PRDM6: variants seen among roughly 807,000 people sequenced by gnomAD.
PRDM6 encodes PR/SET domain 6, also known as putative histone-lysine N-methyltransferase PRDM6.
Under a neutral mutation model 60.8 loss-of-function variants are expected in PRDM6, and 25 were observed. That is an observed-to-expected ratio of 0.41 (90% CI 0.30 to 0.57). PRDM6 has a LOEUF of 0.57. Ranked by LOEUF, PRDM6 falls within the 20% of genes least tolerant of loss-of-function variation. The pLI is 0.27. For synonymous variants in PRDM6, 407 were observed against 357.4 expected, an observed-to-expected ratio of 1.14 and a Z score of -1.57; for missense variants, 839 against 821.3, an observed-to-expected ratio of 1.02 and a Z score of -0.26.
At chr5:123,114,663 G>A (rs900271706) in intron 3 of PRDM6, among the ~76,000 whole-genome samples, 5 of 152,210 alleles carry the variant, frequency 3.3e-5, no homozygotes, top group Non-Finnish European at 7.3e-5. Context: ...TTAAGATTAA[G>A]GTAACAGTTG....
At chr5:123,124,177 A>G (rs1223127813) in intron 3 of PRDM6, among the ~76,000 whole-genome samples, 1 of 152,154 alleles carries the variant, frequency 6.6e-6, no homozygotes, top group Non-Finnish European at 1.5e-5. Flanking sequence ...CAGCACAGCA[A>G]TCATACCATA....
At chr5:123,172,604 G>A (rs1357552383) in intron 6 of PRDM6, among the ~76,000 whole-genome samples, 1 of 152,100 alleles carries the variant, frequency 6.6e-6, no homozygotes, top group South Asian at 2.1e-4. Flanking sequence ...CATTTTAGTA[G>A]TCTTTAAAAT....
intron 6 of PRDM6, among the ~76,000 whole-genome samples, chr5:123,179,694 C>G (rs556771119): frequency 2.6e-5 from 4 of 151,866 alleles, no homozygotes; most frequent in Admixed American, 1.3e-4. Flanking sequence ...TAGCAACTGC[C>G]TTCTCTGTCC....
intron 3 of PRDM6, among the ~76,000 whole-genome samples, chr5:123,128,835 C>T (rs1313669970): frequency 1.3e-5 from 2 of 152,230 alleles, no homozygotes; most frequent in South Asian, 4.2e-4. Flanking sequence ...TCATGAAGTC[C>T]TTGCCCATGC....
intron 2 of PRDM6, among the ~76,000 whole-genome samples, chr5:123,095,997 G>T (rs1763949530): frequency 6.6e-6 from 1 of 152,062 alleles, no homozygotes; most frequent in African/African-American, 2.4e-5. Context: ...GAAATGAAGA[G>T]TGAAAGTCTG....
intron 3 of PRDM6, among the ~76,000 whole-genome samples, chr5:123,131,823 A>G (rs1222458385): frequency 1.3e-5 from 2 of 152,238 alleles, no homozygotes; most frequent in Non-Finnish European, 2.9e-5. Context: ...TTGAATGCTT[A>G]TTATATGTCT....
At position 123,149,996 on chromosome 5, in the gene PRDM6, T is replaced by C. The variant is rs140901865; in HGVS notation, c.901-5888T>C. On this transcript the variant is annotated intron_variant, in intron 3 of 7. Coordinates refer to ENST00000407847, the MANE Select transcript of PRDM6 (RefSeq NM_001136239.4). ...TTTGCATATGCTGCGCATAATATAT[T>C]GTGGCCAGTGTCCGTGAGCAAGTTA... 2.2e-3 allele frequency among the ~76,000 whole-genome samples: 335 copies of C among 152,326 alleles called. 1 individual carries two copies. The highest frequency in any genetic ancestry group is 7.6e-3 in the African/African-American group (315 of 41,582).
intron 6 of PRDM6, among the ~76,000 whole-genome samples, chr5:123,176,270 T>A (rs1490677063): frequency 1.7e-4 from 21 of 121,332 alleles, no homozygotes; most frequent in South Asian, 2.8e-4. Context: ...TCTCAAATGG[T>A]AAAAAAAAAA....
At chr5:123,159,240 A>T (rs979729750) in intron 4 of PRDM6, among the ~76,000 whole-genome samples, 1 of 152,190 alleles carries the variant, frequency 6.6e-6, no homozygotes, top group Non-Finnish European at 1.5e-5. Context: ...TTTAAAATTA[A>T]TTCTTCCTTT....
At chr5:123,181,215 T>C (rs915626789) in intron 7 of PRDM6, among the ~76,000 whole-genome samples, 3 of 152,258 alleles carry the variant, frequency 2.0e-5, no homozygotes, top group African/African-American at 4.8e-5. Context: ...GACATTTAGC[T>C]GTTCCTCCTT....
chr5:123,110,553 ACTTTTTTTTTTTTT>A (rs1456051490), intron 3 of PRDM6, among the ~76,000 whole-genome samples: 54 of 138,438 alleles, frequency 3.9e-4, no homozygotes, highest in South Asian at 6.8e-4. Context: ...CACCCGGCCT[ACTTTTTTTTTTTTT>A]CTTTTTTTTT....
At chr5:123,168,461 G>A (rs1215992256) in intron 5 of PRDM6, among the ~76,000 whole-genome samples, 1 of 152,160 alleles carries the variant, frequency 6.6e-6, no homozygotes, top group Admixed American at 6.6e-5. Flanking sequence ...TTAAGTGAAT[G>A]TGTGACCCAG....
At chr5:123,150,042 C>T (rs181569928) in intron 3 of PRDM6, among the ~76,000 whole-genome samples, 5 of 152,234 alleles carry the variant, frequency 3.3e-5, no homozygotes, top group Non-Finnish European at 1.5e-5. Context: ...TCTAGACTGA[C>T]GTTTCTCATC....
chr5:123,108,208 C>G (rs933182265), intron 3 of PRDM6, among the ~76,000 whole-genome samples: 9 of 152,118 alleles, frequency 5.9e-5, no homozygotes, highest in Non-Finnish European at 1.2e-4. Flanking sequence ...TAAATTAAAG[C>G]TGCCTCAGAT....
At position 123,117,376 on chromosome 5, in the gene PRDM6, G is replaced by T. The variant is rs1764479887; in HGVS notation, c.900+17415G>T. 2.6e-5 allele frequency among the ~76,000 whole-genome samples: 4 copies of T among 152,158 alleles called. No individual in the cohort carries two copies. The South Asian group carries it at 8.3e-4, about 32-fold the overall frequency. ...AACTCGGATTGTCCTGCCCTAGAAG[G>T]CAGTGGGTCATTTGAGGTACCTTTG... is the stretch of plus-strand genomic sequence containing the variant. On this transcript the variant is annotated intron_variant, in intron 3 of 7. Coordinates refer to ENST00000407847, the MANE Select transcript of PRDM6 (RefSeq NM_001136239.4).
chr5:123,145,339 G>A (rs1483006342), intron 3 of PRDM6, among the ~76,000 whole-genome samples: 1 of 152,170 alleles, frequency 6.6e-6, no homozygotes, highest in Admixed American at 6.5e-5. Context: ...TTACTTGAGG[G>A]CAGGGAGTGG....
At chr5:123,165,084 C>T (rs541309913) in intron 5 of PRDM6, among the ~76,000 whole-genome samples, 1 of 152,292 alleles carries the variant, frequency 6.6e-6, no homozygotes, top group East Asian at 1.9e-4. Context: ...CCCCAAATCC[C>T]CATTTCAGAA....
intron 3 of PRDM6, among the ~76,000 whole-genome samples, chr5:123,118,258 C>T (rs1335138320): frequency 1.3e-5 from 2 of 152,008 alleles, no homozygotes; most frequent in Non-Finnish European, 2.9e-5. Context: ...ATGCAAAAGC[C>T]CAGAGGAGGA....
intron 3 of PRDM6, among the ~76,000 whole-genome samples, chr5:123,155,147 TGAAAG>T (rs1765464030): frequency 1.3e-5 from 2 of 152,136 alleles, no homozygotes; most frequent in South Asian, 2.1e-4. Context: ...AATGCTATCT[TGAAAG>T]GAAATCTGCT....
Sources: allele counts gnomAD v4.1 joint callset (sites outside exome capture counted in the v4.1 genomes callset), GRCh38; gene constraint gnomAD v4.1.1; transcripts MANE v1.5; gene names NCBI Gene and HGNC (gene_info 2026-07-23, HGNC 2026-07-21).